Variants in USPL1 observed in about 807,000 individuals in gnomAD.
USPL1 encodes SUMO-specific isopeptidase USPL1.
Under a neutral mutation model 51.5 loss-of-function variants are expected in USPL1, and 27 were observed. The ratio of observed to expected loss-of-function variants is 0.52; its 90% CI spans 0.39 to 0.72. USPL1 has a LOEUF of 0.72. USPL1 is among the 30% of genes least tolerant of loss of function. The pLI is 0.00. For missense variants in USPL1, 1,226 were observed against 1,268.0 expected, an observed-to-expected ratio of 0.97 and a Z score of 0.50; for synonymous variants, 451 against 459.6, an observed-to-expected ratio of 0.98 and a Z score of 0.24.
chr13:30,647,932 A>G (rs1238694742), intron 7 of USPL1, among the ~76,000 whole-genome samples: 3 of 152,064 alleles, frequency 2.0e-5, no homozygotes, highest in Non-Finnish European at 4.4e-5. Flanking sequence ...TCTACTTTAA[A>G]CCTTCAAATT....
chr13:30,641,618 T>G (rs1442331680), intron 5 of USPL1, among the ~76,000 whole-genome samples: 1 of 152,276 alleles, frequency 6.6e-6, no homozygotes, highest in South Asian at 2.1e-4. Flanking sequence ...TACCTTACTT[T>G]CCAGTCTCAA....
At chr13:30,645,522 TCTTA>T (rs1177523027) in intron 6 of USPL1, among the ~76,000 whole-genome samples, 2 of 152,218 alleles carry the variant, frequency 1.3e-5, no homozygotes, top group Admixed American at 1.3e-4. Context: ...TTAAAAATAA[TCTTA>T]CTTTGTTCTA....
chr13:30,622,014 C>G (rs928361879), intron 3 of USPL1, 122 bp downstream of exon 3: 2 of 642,394 alleles, frequency 3.1e-6, no homozygotes, highest in Non-Finnish European at 4.4e-6. Flanking sequence ...TATGTAATCT[C>G]AGTTTGTAAG....
In USPL1 at chr13:30,658,617, C is replaced by A; in HGVS notation, c.2540C>A (p.Ala847Asp). Residue 847 changes from alanine (A) to aspartate (D), a missense_variant, in exon 9 of 9, where the codon GCT (alanine) becomes GAT (aspartate). Transcript: ENST00000255304. Reference sequence around the variant, plus strand: ...GCTGCCCACCCACATGCTCATGCTGCTTCAGAAGTTTTGGAAAAGTCTGGA... The same window carrying A: ...GCTGCCCACCCACATGCTCATGCTGATTCAGAAGTTTTGGAAAAGTCTGGA... ...GTAAHPHAHA[A>D]SEVLEKSGST... is the part of the protein sequence containing the mutation. The A allele has an allele frequency of 6.2e-7, 1 of 1,614,220 alleles. No homozygotes were observed. The highest frequency in any genetic ancestry group is 1.1e-5 in the South Asian group (1 of 91,082).
chr13:30,636,926 A>T (rs371716629), intron 4 of USPL1, among the ~76,000 whole-genome samples: 1 of 152,172 alleles, frequency 6.6e-6, no homozygotes, highest in Non-Finnish European at 1.5e-5. Context: ...ATAACTAGCC[A>T]GATTTTTTGT....
At chr13:30,650,431 G>A (rs1027694751) in intron 7 of USPL1, among the ~76,000 whole-genome samples, 1 of 151,926 alleles carries the variant, frequency 6.6e-6, no homozygotes, top group African/African-American at 2.4e-5. Flanking sequence ...ACAAAAATCA[G>A]CTGGATATGG....
chr13:30,631,330 C>T lies in USPL1; in HGVS notation c.724C>T (p.Leu242=), dbSNP rs1291641648. The T allele has an allele frequency of 1.2e-6, 2 of 1,614,148 alleles. No individual in the cohort carries two copies. Among genetic ancestry groups the T allele is most frequent in the South Asian group, 1.1e-5 (1 of 91,078 alleles). The change falls in exon 4 of 9, where the codon CTG becomes TTG. Residue 242 remains leucine, a synonymous_variant. Coordinates refer to ENST00000255304, the MANE Select transcript of USPL1 (RefSeq NM_005800.5). ...AYALCWLDCI[L]SALVHSEELK... ...TGCTCTCTGTTGGTTAGACTGTATC[C>T]TGTCAGCTTTGGTGCACTCGGAAGA...
rs1175445248 is a variant in USPL1 at position 30,660,608 on chromosome 13, C to CT, written c.*1253dup. 1.3e-5 allele frequency: 2 copies of CT among 152,274 alleles called. No homozygotes were observed. Among genetic ancestry groups the CT allele is most frequent in the Non-Finnish European group, 2.9e-5 (2 of 68,070 alleles). The allele number at this position is 152,274 out of a possible 1,614,324, so 9.4% of individuals were successfully genotyped here. A position where few individuals can be genotyped will look rare whatever the true frequency, so the allele number is the denominator to read the frequency against. On this transcript the variant is annotated 3_prime_UTR_variant, in exon 9 of 9. Coordinates refer to ENST00000255304, the MANE Select transcript of USPL1 (RefSeq NM_005800.5). ...TGTGGCCTTCTGTAAGAGCCTACGC[C>CT]TGTTTGTTACACCGGTAGAGTGCTG...
At chr13:30,638,773 A>T (rs1445942270) in intron 5 of USPL1, among the ~76,000 whole-genome samples, 2 of 151,238 alleles carry the variant, frequency 1.3e-5, no homozygotes, top group Non-Finnish European at 2.9e-5. Flanking sequence ...AACTTATATT[A>T]AAAAATGATA....
intron 6 of USPL1, among the ~76,000 whole-genome samples, chr13:30,645,591 A>G (rs1365277915): frequency 6.6e-6 from 1 of 152,230 alleles, no homozygotes; most frequent in Non-Finnish European, 1.5e-5. Context: ...TTTCTTAAAT[A>G]TGTTTTAATA....
intron 3 of USPL1, among the ~76,000 whole-genome samples, chr13:30,625,593 G>A (rs1482064649): frequency 6.6e-6 from 1 of 151,840 alleles, no homozygotes; most frequent in African/African-American, 2.4e-5. Flanking sequence ...TTACAGGCAT[G>A]TGCCACCCAG....
At position 30,657,818 on chromosome 13, in the gene USPL1, G is replaced by A; in HGVS notation, c.1741G>A (p.Asp581Asn). 6 of 1,613,924 alleles carry A rather than the reference G, an allele frequency of 3.7e-6. No individual in the cohort carries two copies. Among genetic ancestry groups the A allele is most frequent in the Non-Finnish European group, 5.1e-6 (6 of 1,180,028 alleles). Reference sequence around the variant, plus strand: ...ACTTTCAGGTCCAAAAGGTTTGGTTGACAATATTTTACCTCTGACACTTGA... The same window carrying A: ...ACTTTCAGGTCCAAAAGGTTTGGTTAACAATATTTTACCTCTGACACTTGA... ...HLLSGPKGLV[D>N]NILPLTLEET... is the part of the protein sequence containing the mutation. The change falls in exon 9 of 9, where the codon GAC becomes AAC. Residue 581 changes from aspartate to asparagine, a missense_variant. Coordinates refer to ENST00000255304, the MANE Select transcript of USPL1 (RefSeq NM_005800.5).
At chr13:30,637,063 C>T (rs1184619845) in intron 4 of USPL1, among the ~76,000 whole-genome samples, 1 of 152,196 alleles carries the variant, frequency 6.6e-6, no homozygotes, top group Non-Finnish European at 1.5e-5. Flanking sequence ...TCAAATGATC[C>T]TCCCACCTCA....
chr13:30,644,139 C>T (rs1313511409), intron 6 of USPL1, among the ~76,000 whole-genome samples: 2 of 151,700 alleles, frequency 1.3e-5, no homozygotes, highest in Non-Finnish European at 1.5e-5. Context: ...AAAAATTAGC[C>T]GGGCATGATG....
chr13:30,653,980 A>G (rs1171325125), intron 8 of USPL1, among the ~76,000 whole-genome samples: 1 of 152,058 alleles, frequency 6.6e-6, no homozygotes, highest in Non-Finnish European at 1.5e-5. Context: ...CCTCCTGGGG[A>G]TGGTTTGAAT....
intron 6 of USPL1, among the ~76,000 whole-genome samples, chr13:30,643,600 ACC>A (rs1321714510): frequency 2.2e-5 from 1 of 45,460 alleles, no homozygotes; most frequent in Non-Finnish European, 4.3e-5. Flanking sequence ...AACTCTTTCC[ACC>A]CCCCCCCGCC....
chr13:30,652,111 A>G (rs972822035), intron 7 of USPL1, among the ~76,000 whole-genome samples: 1 of 152,252 alleles, frequency 6.6e-6, no homozygotes, highest in Non-Finnish European at 1.5e-5. Context: ...ATGTCATGAT[A>G]TAGTTTAATT....
chr13:30,632,317 A>G (rs1259147062), intron 4 of USPL1, among the ~76,000 whole-genome samples: 1 of 151,016 alleles, frequency 6.6e-6, no homozygotes, highest in Non-Finnish European at 1.5e-5. Context: ...ATGGCTGCAT[A>G]GTATTCTATG....
chr13:30,652,284 A>G (rs1364154847), intron 7 of USPL1, among the ~76,000 whole-genome samples: 3 of 152,258 alleles, frequency 2.0e-5, no homozygotes, highest in Non-Finnish European at 4.4e-5. Context: ...ATTCTCTAAT[A>G]AAGTGATTGA....
Sources: allele counts gnomAD v4.1 joint callset (sites outside exome capture counted in the v4.1 genomes callset), GRCh38; gene constraint gnomAD v4.1.1; transcripts MANE v1.5; gene names NCBI Gene and HGNC (gene_info 2026-07-23, HGNC 2026-07-21).